GABRB1: variants seen among roughly 807,000 people sequenced by gnomAD.
GABRB1 encodes the protein gamma-aminobutyric acid type A receptor subunit beta1.
A neutral mutation model predicts 51.6 loss-of-function variants in GABRB1; 17 were observed. The observed-to-expected ratio is 0.33, with a 90% CI of 0.23 to 0.49. The LOEUF is 0.49. Ranked by LOEUF, GABRB1 falls within the 20% of genes least tolerant of loss-of-function variation. The pLI, the probability that GABRB1 is intolerant of heterozygous loss-of-function variation, is 0.99. For synonymous variants in GABRB1, 247 were observed against 218.9 expected (o/e 1.13, Z -1.14); for missense variants, 410 against 600.6 (o/e 0.68, Z 3.32).
intron 4 of GABRB1, among the ~76,000 whole-genome samples, chr4:47,313,045 T>A (rs1430793557): frequency 6.6e-6 from 1 of 152,190 alleles, no homozygotes; most frequent in Non-Finnish European, 1.5e-5. Context: ...TACAGTGACA[T>A]GATTTCTGTT....
intron 3 of GABRB1, among the ~76,000 whole-genome samples, chr4:47,048,969 G>A (rs568544128): frequency 3.9e-5 from 6 of 151,920 alleles, no homozygotes; most frequent in South Asian, 2.1e-4. Flanking sequence ...CAAGCCATAA[G>A]GAAGGAAAGT....
chr4:47,105,056 T>C (rs1259663031), intron 3 of GABRB1, among the ~76,000 whole-genome samples: 2 of 152,082 alleles, frequency 1.3e-5, no homozygotes, highest in Non-Finnish European at 2.9e-5. Context: ...GAGTTAAATA[T>C]TATTTGTTCC....
chr4:47,088,318 T>G (rs1332546684), intron 3 of GABRB1, among the ~76,000 whole-genome samples: 1 of 152,122 alleles, frequency 6.6e-6, no homozygotes, highest in Non-Finnish European at 1.5e-5. Flanking sequence ...ATAATGCACA[T>G]AGGAGACTGA....
chr4:47,319,397 C>A (rs1724995887), intron 4 of GABRB1, among the ~76,000 whole-genome samples: 1 of 151,944 alleles, frequency 6.6e-6, no homozygotes, highest in Non-Finnish European at 1.5e-5. Flanking sequence ...TCTTCCAGAT[C>A]TTAGAGGAAA....
intron 4 of GABRB1, among the ~76,000 whole-genome samples, chr4:47,197,980 CT>C: frequency 6.6e-6 from 1 of 152,140 alleles, no homozygotes; most frequent in East Asian, 1.9e-4. Context: ...TCAAGTCTCC[CT>C]TTTTTCCCCT....
chr4:47,083,289 C>T (rs1249249791), intron 3 of GABRB1, among the ~76,000 whole-genome samples: 1 of 152,076 alleles, frequency 6.6e-6, no homozygotes, highest in Non-Finnish European at 1.5e-5. Flanking sequence ...GTTATACTGA[C>T]CTATGCTTCT....
intron 4 of GABRB1, among the ~76,000 whole-genome samples, chr4:47,297,399 A>T (rs1339588943): frequency 1.0e-5 from 1 of 98,608 alleles, no homozygotes; most frequent in Non-Finnish European, 2.1e-5. Context: ...AGAATCAAAT[A>T]GACACAAAAA....
intron 3 of GABRB1, among the ~76,000 whole-genome samples, chr4:47,123,225 G>A (rs1257001820): frequency 1.4e-5 from 2 of 147,100 alleles, no homozygotes; most frequent in Non-Finnish European, 3.0e-5. Flanking sequence ...GGCTAGAGAC[G>A]AAATAAATCC....
chr4:47,197,693 C>A (rs1443321648), intron 4 of GABRB1, among the ~76,000 whole-genome samples: 5 of 152,166 alleles, frequency 3.3e-5, no homozygotes, highest in African/African-American at 7.2e-5. Flanking sequence ...CTATTTACTT[C>A]ATTGTTTCTA....
chr4:47,232,876 AT>A (rs11357071), intron 4 of GABRB1, among the ~76,000 whole-genome samples: 29,722 of 135,606 alleles, frequency 0.22, 2,530 homozygotes, highest in African/African-American at 0.29. Flanking sequence ...TATGATCATC[AT>A]TTTTTTTTTT....
chr4:47,335,198 C>T (rs1725651422), intron 5 of GABRB1, among the ~76,000 whole-genome samples: 1 of 152,130 alleles, frequency 6.6e-6, no homozygotes, highest in Non-Finnish European at 1.5e-5. Context: ...TCTTTACCTT[C>T]CTCCATCCTG....
At chr4:47,179,756 C>T (rs960818268) in intron 4 of GABRB1, among the ~76,000 whole-genome samples, 1 of 152,102 alleles carries the variant, frequency 6.6e-6, no homozygotes, top group Non-Finnish European at 1.5e-5. Flanking sequence ...ACCTTCCTCT[C>T]CTGACCTTCA....
intron 3 of GABRB1, among the ~76,000 whole-genome samples, chr4:47,145,573 G>T (rs146457390): frequency 5.7e-4 from 86 of 152,154 alleles, no homozygotes; most frequent in Middle Eastern, 6.8e-3. Flanking sequence ...GTGAGTACAG[G>T]AATTTATCTT....
At chr4:47,358,741 G>A (rs998379348) in intron 5 of GABRB1, among the ~76,000 whole-genome samples, 8 of 152,018 alleles carry the variant, frequency 5.3e-5, no homozygotes, top group Admixed American at 2.0e-4. Flanking sequence ...TGAATTTAGC[G>A]GTAGAGAAAA....
At chr4:47,060,973 A>G (rs1374676695) in intron 3 of GABRB1, among the ~76,000 whole-genome samples, 1 of 152,242 alleles carries the variant, frequency 6.6e-6, no homozygotes, top group Non-Finnish European at 1.5e-5. Flanking sequence ...TTAATATCCC[A>G]TGGTTACTCT....
intron 4 of GABRB1, among the ~76,000 whole-genome samples, chr4:47,204,575 C>G (rs1720041538): frequency 6.6e-6 from 1 of 152,060 alleles, no homozygotes; most frequent in Non-Finnish European, 1.5e-5. Context: ...ATTGTAATTC[C>G]CACAATCCCC....
At chr4:47,186,271 A>G (rs923922355) in intron 4 of GABRB1, among the ~76,000 whole-genome samples, 5 of 151,784 alleles carry the variant, frequency 3.3e-5, no homozygotes, top group Non-Finnish European at 5.9e-5. Flanking sequence ...TGCTTTTATT[A>G]ACAAAAGATT....
intron 3 of GABRB1, among the ~76,000 whole-genome samples, chr4:47,089,671 T>C (rs1013726569): frequency 6.6e-6 from 1 of 152,206 alleles, no homozygotes; most frequent in Admixed American, 6.5e-5. Flanking sequence ...TCAAATATTA[T>C]AATCGAATAG....
At chr4:47,330,723 T>A (rs1352425654) in intron 5 of GABRB1, among the ~76,000 whole-genome samples, 1 of 152,166 alleles carries the variant, frequency 6.6e-6, no homozygotes, top group Non-Finnish European at 1.5e-5. Flanking sequence ...GGGAGTTTAT[T>A]AAATTTAGTT....
Sources: allele counts gnomAD v4.1 joint callset (sites outside exome capture counted in the v4.1 genomes callset), GRCh38; gene constraint gnomAD v4.1.1; transcripts MANE v1.5; gene names NCBI Gene and HGNC (gene_info 2026-07-23, HGNC 2026-07-21).